Variants in MSR1 observed in about 807,000 individuals in gnomAD.
The protein encoded by MSR1 is macrophage scavenger receptor 1, also known as macrophage scavenger receptor types I and II.
Under a neutral mutation model 47.2 loss-of-function variants are expected in MSR1, and 53 were observed. The ratio of observed to expected loss-of-function variants is 1.12; its 90% CI spans 0.90 to 1.41. The LOEUF is 1.41. Among genes scored for constraint, MSR1 ranks in the 40% most tolerant of loss-of-function variants. The pLI is 0.00. For synonymous variants in MSR1, 239 were observed against 185.6 expected (o/e 1.29, Z -2.34); for missense variants, 786 against 546.9 (o/e 1.44, Z -4.36).
intron 4 of MSR1, among the ~76,000 whole-genome samples, chr8:16,165,814 A>C (rs1272163075): frequency 6.6e-6 from 1 of 152,114 alleles, no homozygotes; most frequent in Non-Finnish European, 1.5e-5. Flanking sequence ...TGAAGCAGAG[A>C]GACTTACCAG....
chr8:16,128,415 T>C (rs1483291057), intron 8 of MSR1, among the ~76,000 whole-genome samples: 1 of 152,040 alleles, frequency 6.6e-6, no homozygotes, highest in Non-Finnish European at 1.5e-5. Context: ...AGGAGCTCAG[T>C]GCTCACACAG....
At chr8:16,168,011 C>G (rs1801365744) in intron 4 of MSR1, among the ~76,000 whole-genome samples, 1 of 152,116 alleles carries the variant, frequency 6.6e-6, no homozygotes, top group African/African-American at 2.4e-5. Flanking sequence ...CCATTGTCTT[C>G]TGACACCTTA....
At position 16,110,141 on chromosome 8, in the gene MSR1, A is replaced by G; in HGVS notation, c.1300T>C (p.Trp434Arg). The stretch of plus-strand genomic sequence containing the variant: ...GAATGTGAACAGGCTCTTGTCCCCC[A>G]TTGCCGAATTTTACATTCTTCAATA... ...SSIEECKIRQ[W>R]GTRACSHSED... is the part of the protein sequence containing the mutation. Residue 434 changes from tryptophan (W) to arginine (R), a missense_variant, in exon 10 of 10, where the codon TGG becomes CGG. By Grantham distance (101) the Trp-to-Arg change is moderately radical (BLOSUM62 -3). Coordinates refer to ENST00000262101, the MANE Select transcript of MSR1 (RefSeq NM_138715.3). 6.2e-7 allele frequency: 1 copy of G among 1,613,732 alleles called. No homozygotes were observed. Among genetic ancestry groups the G allele is most frequent in the Non-Finnish European group, 8.5e-7 (1 of 1,179,740 alleles).
chr8:16,157,544 C>T (rs995244556), intron 5 of MSR1, among the ~76,000 whole-genome samples: 4 of 151,928 alleles, frequency 2.6e-5, no homozygotes, highest in Non-Finnish European at 5.9e-5. Context: ...ATTAATCTCA[C>T]ATTATGTTTC....
chr8:16,175,144 C>T (rs1484272773), intron 3 of MSR1, 43 bp downstream of exon 3: 1 of 1,511,982 alleles, frequency 6.6e-7, no homozygotes, highest in Non-Finnish European at 9.2e-7. Context: ...ATGAATAATT[C>T]ACGGGACGAG....
intron 4 of MSR1, among the ~76,000 whole-genome samples, chr8:16,165,142 T>TATAGAA (rs1801268748): frequency 6.6e-6 from 1 of 152,108 alleles, no homozygotes; most frequent in Non-Finnish European, 1.5e-5. Context: ...CTATAGAACA[T>TATAGAA]CTTCCTGAAG....
At chr8:16,115,356 G>C (rs556785012) in intron 9 of MSR1, among the ~76,000 whole-genome samples, 1 of 152,006 alleles carries the variant, frequency 6.6e-6, no homozygotes, top group Non-Finnish European at 1.5e-5. Context: ...TCTCTACTCT[G>C]TATTTAAAAT....
At chr8:16,116,648 T>G (rs1326765553) in intron 9 of MSR1, among the ~76,000 whole-genome samples, 1 of 152,096 alleles carries the variant, frequency 6.6e-6, no homozygotes, top group South Asian at 2.1e-4. Context: ...CTTCCTTTCT[T>G]ACCAGTTCTT....
intron 6 of MSR1, among the ~76,000 whole-genome samples, chr8:16,150,851 AACACACACACACACAC>A (rs3036816): frequency 7.0e-6 from 1 of 142,044 alleles, no homozygotes. Context: ...CATAAACATA[AACACACACACACACAC>A]ACACACACAC....
chr8:16,185,558 G>C (rs1785808796), intron 1 of MSR1, among the ~76,000 whole-genome samples: 1 of 152,036 alleles, frequency 6.6e-6, no homozygotes, highest in African/African-American at 2.4e-5. Context: ...CGCAATCTGA[G>C]CCCAGAACTG....
Position 16,175,210 on chromosome 8 carries a change from A to T in MSR1, c.194T>A (p.Ile65Asn), listed in dbSNP as rs1801607632. The change falls in exon 3 of 10, where the codon ATC becomes AAC. Residue 65 changes from isoleucine to asparagine, a missense_variant. By Grantham distance (149) the Ile-to-Asn change is moderately radical. Coordinates refer to ENST00000262101, the MANE Select transcript of MSR1 (RefSeq NM_138715.3). ...ACCTGCCACTATTCCAATGAGAGGG[A>T]TGAGAACTGCAAACACGAGGAGGTA... is the stretch of plus-strand genomic sequence containing the variant. Reference protein sequence around the residue: ...ALYLLVFAVLIPLIGIVAAQL... With the variant: ...ALYLLVFAVLNPLIGIVAAQL... 2.5e-6 allele frequency: 4 copies of T among 1,614,030 alleles called. No homozygotes were observed. In the Middle Eastern group the frequency reaches 6.6e-4, roughly 266 times the overall value.
chr8:16,127,427 C>T (rs1800154578), intron 8 of MSR1, among the ~76,000 whole-genome samples: 1 of 152,128 alleles, frequency 6.6e-6, no homozygotes. Context: ...GAGTTTGATC[C>T]ACTTTTTAGT....
At chr8:16,158,171 A>G (rs983774939) in intron 5 of MSR1, among the ~76,000 whole-genome samples, 5 of 152,012 alleles carry the variant, frequency 3.3e-5, no homozygotes, top group African/African-American at 1.2e-4. Flanking sequence ...GAAGCCATAG[A>G]ATTTACATTA....
intron 8 of MSR1, among the ~76,000 whole-genome samples, chr8:16,143,305 G>A (rs1800610039): frequency 6.6e-6 from 1 of 152,018 alleles, no homozygotes; most frequent in African/African-American, 2.4e-5. Context: ...TTTCTTTGTG[G>A]AATTTTTAGA....
At chr8:16,153,819 T>C (rs1468941270) in intron 6 of MSR1, among the ~76,000 whole-genome samples, 2 of 152,000 alleles carry the variant, frequency 1.3e-5, no homozygotes. Context: ...GCAGCAGATT[T>C]AATACTGGTT....
In MSR1 at chr8:16,143,584, C is replaced by G; in HGVS notation, c.1007G>C (p.Gly336Ala). The G allele has an allele frequency of 6.2e-7, 1 of 1,612,450 alleles. No homozygotes were observed. The highest frequency in any genetic ancestry group is 8.5e-7 in the Non-Finnish European group (1 of 1,178,964). The change falls in exon 8 of 10, where the codon GGG (glycine) becomes GCG (alanine). Residue 336 changes from glycine (G) to alanine (A), a missense_variant. Transcript: ENST00000262101. ...PGNSGPKGQK[G>A]EKGSGNTLTP... ...TAATGTGTTTCCACTCCCCTTTTCC[C>G]CTTTCTGGCCTTTTGGTCCAGAATT...
chr8:16,184,204 T>C (rs1174630048), intron 1 of MSR1, among the ~76,000 whole-genome samples: 1 of 151,976 alleles, frequency 6.6e-6, no homozygotes, highest in African/African-American at 2.4e-5. Context: ...AAGCCAAGTG[T>C]CCCTTTTATT....
At chr8:16,117,169 T>C (rs1799895379) in intron 9 of MSR1, among the ~76,000 whole-genome samples, 1 of 152,062 alleles carries the variant, frequency 6.6e-6, no homozygotes, top group Non-Finnish European at 1.5e-5. Context: ...TTACTGCCGC[T>C]CCCTATCACT....
chr8:16,123,551 A>G (rs1236724789), intron 8 of MSR1, among the ~76,000 whole-genome samples: 2 of 147,750 alleles, frequency 1.4e-5, no homozygotes, highest in South Asian at 2.2e-4. Flanking sequence ...GGGTATTTTT[A>G]TCTTGTATAT....
Sources: gnomAD v4.1 joint callset for allele counts (sites outside exome capture counted in the v4.1 genomes callset) on GRCh38, gnomAD v4.1.1 for gene constraint, MANE v1.5 for transcripts, NCBI Gene and HGNC (gene_info 2026-07-23, HGNC 2026-07-21) for gene names.